The following INPP5A variants were observed in gnomAD, a reference collection of about 807,000 sequenced individuals.
INPP5A encodes inositol polyphosphate-5-phosphatase A, also known as 43 kDa inositol polyphosphate 5-phophatase.
Under a neutral mutation model 65.2 loss-of-function variants are expected in INPP5A, and 14 were observed. The ratio of observed to expected loss-of-function variants is 0.21; its 90% CI spans 0.14 to 0.34. The LOEUF (loss-of-function observed/expected upper bound fraction) is 0.34. INPP5A is among the 10% of genes least tolerant of loss of function. The probability of loss-of-function intolerance (pLI) is 1.00; values close to 1 mark genes in which losing one functional copy is unlikely to be tolerated. For synonymous variants in INPP5A, 207 were observed against 208.3 expected (o/e 0.99, Z 0.05); for missense variants, 431 against 545.6 (o/e 0.79, Z 2.09).
In INPP5A at chr10:132,762,135, G is replaced by A. The variant is rs1056341341; in HGVS notation, c.904-3638G>A. 4.6e-5 allele frequency among the ~76,000 whole-genome samples: 7 copies of A among 152,312 alleles called. No homozygotes were observed. The highest frequency in any genetic ancestry group is 1.2e-4 in the African/African-American group (5 of 41,564). ...CGTGGCAGGATGGGACAGGAGGGTC[G>A]GGGCTGGGAGAGGAGGGAAGAGCCC... On this transcript the variant is annotated intron_variant, in intron 11 of 15. Coordinates refer to ENST00000368594, the MANE Select transcript of INPP5A (RefSeq NM_005539.5). The surrounding 1 kb of genome is among the most constrained non-coding windows in gnomAD (Gnocchi z 4.6).
At chr10:132,632,554 C>T (rs2072289739) in intron 2 of INPP5A, among the ~76,000 whole-genome samples, 1 of 152,200 alleles carries the variant, frequency 6.6e-6, no homozygotes, top group Non-Finnish European at 1.5e-5. Flanking sequence ...AGGGGTCCAG[C>T]AGGAGCCCGT....
At position 132,658,644 on chromosome 10, in the gene INPP5A, C is replaced by T. The variant is rs533526071; in HGVS notation, c.306+8139C>T. 2.3e-4 allele frequency among the ~76,000 whole-genome samples: 35 copies of T among 152,302 alleles called. No homozygotes were observed. The South Asian group carries it at 3.7e-3, about 16-fold the overall frequency. The stretch of plus-strand genomic sequence containing the variant: ...CACAGGGCTGAGTCCGCCGGCCCCC[C>T]GGGGGTGCTCATGGGTGCCCGGGTG... On this transcript the variant is annotated intron_variant, in intron 4 of 15. Transcript: ENST00000368594.
intron 9 of INPP5A, among the ~76,000 whole-genome samples, chr10:132,733,014 T>A (rs1846113211): frequency 6.6e-6 from 1 of 152,170 alleles, no homozygotes; most frequent in African/African-American, 2.4e-5. Flanking sequence ...CAAGGTGTCC[T>A]AGCGCCACGC....
rs4313493 is a variant in INPP5A at position 132,549,055 on chromosome 10, G to A, written c.75+10884G>A. Among the ~76,000 whole-genome samples the A allele has an allele frequency of 0.77, 117,758 of 152,088 alleles. 46,523 individuals are homozygous for A. Among genetic ancestry groups the A allele is most frequent in the African/African-American group, 0.93 (38,596 of 41,530 alleles). ...TGATCCTCCCACCTTGGCCTCCCAA[G>A]GTGCTGGGATGACAGGTGTGAGCCA... On this transcript the variant is annotated intron_variant, in intron 1 of 15. Coordinates refer to ENST00000368594, the MANE Select transcript of INPP5A (RefSeq NM_005539.5). This position sits in a 1 kb window ranked among gnomAD's most constrained non-coding sequence, Gnocchi z 4.9.
Position 132,697,916 on chromosome 10 carries a change from C to G in INPP5A, c.471C>G (p.Pro157=). 6.2e-7 allele frequency: 1 copy of G among 1,603,054 alleles called. No individual in the cohort carries two copies. Among genetic ancestry groups the G allele is most frequent in the South Asian group, 1.1e-5 (1 of 90,706 alleles). Residue 157 remains proline, a synonymous_variant, in exon 6 of 16, where the codon CCC becomes CCG. Coordinates refer to ENST00000368594, the MANE Select transcript of INPP5A (RefSeq NM_005539.5). The surrounding 1 kb of genome is among the most constrained non-coding windows in gnomAD (Gnocchi z 5.6). ...AGAAGTTTCCGCAGGACTACTTCCC[C>G]GAGGTACGTAGCGAGGCTTTCTCAC... ...EKEKFPQDYF[P]ECKWSRKGFI...
intron 1 of INPP5A, among the ~76,000 whole-genome samples, chr10:132,554,664 T>C (rs1220200114): frequency 6.7e-6 from 1 of 148,262 alleles, no homozygotes; most frequent in Non-Finnish European, 1.5e-5. Context: ...GTGGGTAGTA[T>C]AGGTGGCGTG....
chr10:132,744,497 G>A (rs928114193), intron 9 of INPP5A, among the ~76,000 whole-genome samples: 5 of 152,204 alleles, frequency 3.3e-5, no homozygotes, highest in African/African-American at 2.4e-5. Context: ...GGATATGCCC[G>A]TAGGTGTCGG....
intron 1 of INPP5A, among the ~76,000 whole-genome samples, chr10:132,582,431 T>C (rs899076733): frequency 6.6e-6 from 1 of 151,544 alleles, no homozygotes; most frequent in Non-Finnish European, 1.5e-5. Context: ...TTTTTTTTTT[T>C]TTTTAAAGAG....
intron 1 of INPP5A, among the ~76,000 whole-genome samples, chr10:132,559,682 G>A (rs1479287947): frequency 6.8e-6 from 1 of 147,196 alleles, no homozygotes; most frequent in Non-Finnish European, 1.5e-5. Flanking sequence ...TACTCAGCAC[G>A]TGTGTTCCAG....
intron 9 of INPP5A, among the ~76,000 whole-genome samples, chr10:132,740,338 C>A (rs1410361250): frequency 1.3e-5 from 2 of 152,200 alleles, no homozygotes; most frequent in Non-Finnish European, 2.9e-5. Context: ...GTGGTCCGGA[C>A]CCTCAGGCAC....
intron 4 of INPP5A, among the ~76,000 whole-genome samples, chr10:132,682,685 G>A (rs868704536): frequency 3.3e-5 from 5 of 152,248 alleles, no homozygotes; most frequent in African/African-American, 7.2e-5. Context: ...ACATATGCAC[G>A]CATGTTTAAT....
intron 9 of INPP5A, among the ~76,000 whole-genome samples, chr10:132,742,872 G>C (rs904924082): frequency 1.3e-5 from 2 of 152,166 alleles, no homozygotes; most frequent in African/African-American, 2.4e-5. Flanking sequence ...ACCGCTGAAG[G>C]CATTGTTTTT....
intron 2 of INPP5A, among the ~76,000 whole-genome samples, chr10:132,617,270 G>A (rs950684156): frequency 6.6e-6 from 1 of 152,114 alleles, no homozygotes; most frequent in African/African-American, 2.4e-5. Flanking sequence ...GACAGTCCCC[G>A]CCCTTCAGAG....
chr10:132,633,649 A>G (rs1378141533), intron 2 of INPP5A, among the ~76,000 whole-genome samples: 1 of 152,174 alleles, frequency 6.6e-6, no homozygotes, highest in Non-Finnish European at 1.5e-5. Flanking sequence ...TGAGACCAGG[A>G]AAGATCACAG....
chr10:132,656,922 G>A (rs1315203869), intron 4 of INPP5A, among the ~76,000 whole-genome samples: 1 of 152,198 alleles, frequency 6.6e-6, no homozygotes, highest in Non-Finnish European at 1.5e-5. Context: ...AGGAGTCTCT[G>A]GGCAGACAGC....
chr10:132,774,662 C>CGTG (rs1187604983), intron 12 of INPP5A, among the ~76,000 whole-genome samples: 1 of 151,984 alleles, frequency 6.6e-6, no homozygotes. Context: ...TTCTCGGGCC[C>CGTG]GTGGCGACCC....
intron 4 of INPP5A, among the ~76,000 whole-genome samples, chr10:132,652,451 A>G (rs1016046818): frequency 1.3e-5 from 2 of 152,242 alleles, no homozygotes; most frequent in Non-Finnish European, 2.9e-5. Context: ...AACTTACAGA[A>G]AGATCCAAAT....
At chr10:132,763,888 T>C (rs1193737865) in intron 11 of INPP5A, among the ~76,000 whole-genome samples, 1 of 152,272 alleles carries the variant, frequency 6.6e-6, no homozygotes, top group Non-Finnish European at 1.5e-5. Flanking sequence ...AACACATGCC[T>C]GTGTACACAT....
chr10:132,680,144 A>T (rs2073023028), intron 4 of INPP5A, among the ~76,000 whole-genome samples: 1 of 152,238 alleles, frequency 6.6e-6, no homozygotes, highest in African/African-American at 2.4e-5. Flanking sequence ...GCCAAAGACA[A>T]CATCAACAGA....
Sources: allele counts gnomAD v4.1 joint callset (sites outside exome capture counted in the v4.1 genomes callset), GRCh38; gene constraint gnomAD v4.1.1; non-coding constraint Gnocchi (gnomAD v3.1); transcripts MANE v1.5; gene names NCBI Gene and HGNC (gene_info 2026-07-23, HGNC 2026-07-21).